ZNF277: variants seen among roughly 807,000 people sequenced by gnomAD.
The protein encoded by ZNF277 is zinc finger protein 277.
ZNF277 carries 55 observed loss-of-function variants against 60.7 expected under a neutral mutation model. The ratio of observed to expected loss-of-function variants is 0.91; its 90% CI spans 0.73 to 1.13. The LOEUF is 1.13. ZNF277 is among the 50% of genes most tolerant of loss of function. ZNF277 has a pLI of 0.00. For missense variants in ZNF277, 510 were observed against 523.0 expected (o/e 0.98, Z 0.24); for synonymous variants, 178 against 179.3 (o/e 0.99, Z 0.06).
At chr7:112,250,347 G>T (rs1292833474) in intron 1 of ZNF277, among the ~76,000 whole-genome samples, 1 of 152,142 alleles carries the variant, frequency 6.6e-6, no homozygotes, top group Non-Finnish European at 1.5e-5. Flanking sequence ...AACTTCATTA[G>T]CAATTTTAAT....
chr7:112,235,672 A>G (rs142676306), intron 1 of ZNF277, among the ~76,000 whole-genome samples: 1,958 of 152,084 alleles, frequency 0.013, 50 homozygotes, highest in African/African-American at 0.043. Context: ...TATCAGTTCT[A>G]TGATTTTCAG....
chr7:112,289,892 A>G (rs542587656), intron 2 of ZNF277, among the ~76,000 whole-genome samples: 78 of 147,066 alleles, frequency 5.3e-4, no homozygotes, highest in African/African-American at 1.8e-3. Flanking sequence ...CGCCTGGCTA[A>G]TTTTTTTTTT....
intron 7 of ZNF277, among the ~76,000 whole-genome samples, chr7:112,331,801 G>T (rs778449147): frequency 8.5e-5 from 13 of 152,210 alleles, no homozygotes; most frequent in Admixed American, 1.3e-4. Context: ...TTCAGTGCTA[G>T]CTCTAAGAAA....
At chr7:112,342,370 G>C (rs1466636579) in intron 11 of ZNF277, among the ~76,000 whole-genome samples, 191 bp from the exon 12 acceptor site, 1 of 152,188 alleles carries the variant, frequency 6.6e-6, no homozygotes, top group Non-Finnish European at 1.5e-5. Flanking sequence ...AGTAGATTTG[G>C]TAAGGTTGAT....
intron 1 of ZNF277, among the ~76,000 whole-genome samples, chr7:112,222,832 T>A (rs1327586006): frequency 6.6e-6 from 1 of 152,130 alleles, no homozygotes; most frequent in Non-Finnish European, 1.5e-5. Context: ...TTTGAGTCAG[T>A]GGGCTGGGAA....
rs2117085873 is a variant in ZNF277 at position 112,301,749 on chromosome 7, A to G, written c.465+5438A>G. Reference sequence around the variant, plus strand: ...CTATTTTATTTGGCTTTTCAATTATAGTTAGTTATTTTAAAATCTGTCTTC... The same window carrying G: ...CTATTTTATTTGGCTTTTCAATTATGGTTAGTTATTTTAAAATCTGTCTTC... On this transcript the variant is annotated intron_variant, in intron 4 of 11. Coordinates refer to ENST00000361822, the MANE Select transcript of ZNF277 (RefSeq NM_021994.3). Among the ~76,000 whole-genome samples the G allele has an allele frequency of 2.6e-5, 4 of 150,968 alleles. No homozygotes were observed. In the South Asian group the frequency reaches 8.3e-4, roughly 31 times the overall value.
intron 1 of ZNF277, among the ~76,000 whole-genome samples, chr7:112,221,726 A>T (rs1298931179): frequency 6.6e-6 from 1 of 152,120 alleles, no homozygotes; most frequent in African/African-American, 2.4e-5. Context: ...TCACACTCCT[A>T]TGAGAGTCTA....
intron 4 of ZNF277, among the ~76,000 whole-genome samples, chr7:112,315,893 A>G (rs11769219): frequency 0.14 from 21,016 of 152,126 alleles, 1,598 homozygotes; most frequent in South Asian, 0.16. Context: ...TTTGTAAGAA[A>G]GATTTTAATG....
intron 5 of ZNF277, among the ~76,000 whole-genome samples, chr7:112,327,224 A>T (rs550035033): frequency 6.6e-6 from 1 of 152,322 alleles, no homozygotes; most frequent in African/African-American, 2.4e-5. Flanking sequence ...CCAGTTTCAG[A>T]ATGAAACTGT....
At chr7:112,319,027 GT>G (rs1416792316) in intron 5 of ZNF277, among the ~76,000 whole-genome samples, 3 of 152,078 alleles carry the variant, frequency 2.0e-5, no homozygotes, top group African/African-American at 4.8e-5. Context: ...TGAATAAGGA[GT>G]TTCTGAATCC....
At chr7:112,253,933 T>C (rs766263339) in intron 1 of ZNF277, among the ~76,000 whole-genome samples, 1 of 152,226 alleles carries the variant, frequency 6.6e-6, no homozygotes, top group Non-Finnish European at 1.5e-5. Flanking sequence ...TCTCCTCTTT[T>C]CATTCACTTG....
intron 1 of ZNF277, among the ~76,000 whole-genome samples, chr7:112,245,028 C>A (rs1469568976): frequency 6.6e-6 from 1 of 152,056 alleles, no homozygotes; most frequent in African/African-American, 2.4e-5. Context: ...CAGAAAAGAT[C>A]AAATTATATA....
intron 1 of ZNF277, among the ~76,000 whole-genome samples, chr7:112,261,280 A>G (rs773655348): frequency 6.6e-6 from 1 of 152,228 alleles, no homozygotes; most frequent in Non-Finnish European, 1.5e-5. Flanking sequence ...TAAAGTACAT[A>G]CTTGAAGACT....
chr7:112,298,922 A>C (rs998528419), intron 4 of ZNF277, among the ~76,000 whole-genome samples: 17 of 152,056 alleles, frequency 1.1e-4, no homozygotes, highest in African/African-American at 3.9e-4. Flanking sequence ...TTGGCCTCTC[A>C]TGTGTCTGGT....
At chr7:112,303,796 T>C (rs1034560030) in intron 4 of ZNF277, among the ~76,000 whole-genome samples, 1 of 152,134 alleles carries the variant, frequency 6.6e-6, no homozygotes, top group East Asian at 1.9e-4. Context: ...TCTCCTAGTT[T>C]ATTTTTTTTG....
intron 9 of ZNF277, among the ~76,000 whole-genome samples, chr7:112,338,371 C>T (rs188124071): frequency 2.6e-5 from 4 of 152,172 alleles, no homozygotes; most frequent in Admixed American, 2.0e-4. Flanking sequence ...TTTTTCACCC[C>T]AGTATACCTG....
At chr7:112,333,547 C>T (rs1445038777) in intron 7 of ZNF277, among the ~76,000 whole-genome samples, 2 of 152,200 alleles carry the variant, frequency 1.3e-5, no homozygotes, top group Non-Finnish European at 2.9e-5. Context: ...ACGCCATAGA[C>T]TCTGCCAGCG....
At chr7:112,293,889 A>T (rs896354219) in intron 2 of ZNF277, among the ~76,000 whole-genome samples, 2 of 152,214 alleles carry the variant, frequency 1.3e-5, no homozygotes, top group Admixed American at 1.3e-4. Context: ...GTATTCTAGC[A>T]GTAGCAGTAG....
rs1451507667 is a variant in ZNF277, at chr7:112,336,162, A to G, written c.860A>G (p.His287Arg). The G allele has an allele frequency of 6.2e-7, 1 of 1,611,036 alleles. No homozygotes were observed. ...GAAGATGATCGGGAGTTGCTGGACC[A>G]TCAGGAAGAGTAAGAGTTGTTATTG... ...QLEDDRELLD[H>R]QEDDWSDWEE... The change falls in exon 8 of 12, where the codon CAT (histidine) becomes CGT (arginine). Residue 287 changes from histidine to arginine, a missense_variant. Transcript: ENST00000361822.
Sources: allele counts gnomAD v4.1 joint callset (sites outside exome capture counted in the v4.1 genomes callset), GRCh38; gene constraint gnomAD v4.1.1; transcripts MANE v1.5; gene names NCBI Gene and HGNC (gene_info 2026-07-23, HGNC 2026-07-21).